KCTD8: variants seen among roughly 807,000 people sequenced by gnomAD.
The protein encoded by KCTD8 is BTB/POZ domain-containing protein KCTD8.
Under a neutral mutation model 31.5 loss-of-function variants are expected in KCTD8, and 27 were observed. The ratio of observed to expected loss-of-function variants is 0.86; its 90% CI spans 0.63 to 1.18. The LOEUF (loss-of-function observed/expected upper bound fraction) is 1.18, where lower values mean the gene tolerates loss of function less well. Ranked by LOEUF, KCTD8 falls within the 50% of genes most tolerant of loss-of-function variation. KCTD8 has a pLI of 0.00. For missense variants in KCTD8, 658 were observed against 647.7 expected, an observed-to-expected ratio of 1.02 and a Z score of -0.17; for synonymous variants, 290 against 280.0, an observed-to-expected ratio of 1.04 and a Z score of -0.36.
intron 1 of KCTD8, among the ~76,000 whole-genome samples, chr4:44,249,266 C>A (rs1715757298): frequency 1.3e-5 from 2 of 151,742 alleles, no homozygotes; most frequent in African/African-American, 4.8e-5. Flanking sequence ...GTTTTCCTGA[C>A]TTTCACATTT....
At position 44,377,286 on chromosome 4, in the gene KCTD8, CAT is replaced by C. The variant is rs1380507995; in HGVS notation, c.961+70275_961+70276del. On this transcript the variant is annotated intron_variant, in intron 1 of 1. Coordinates refer to ENST00000360029, the MANE Select transcript of KCTD8 (RefSeq NM_198353.3). Reference sequence around the variant, plus strand: ...CTTAAGGTGAGGGTTTTCCCTCACACATGTTTGGACACTGCAGCCTGCAAAAC... The same window carrying C: ...CTTAAGGTGAGGGTTTTCCCTCACACGTTTGGACACTGCAGCCTGCAAAAC... Among the ~76,000 whole-genome samples the C allele has an allele frequency of 8.5e-5, 13 of 152,266 alleles. No individual in the cohort carries two copies. In the South Asian group the frequency reaches 2.5e-3, roughly 29 times the overall value.
At chr4:44,289,537 T>TTGTCAAATGCCAGTGC (rs1173101483) in intron 1 of KCTD8, among the ~76,000 whole-genome samples, 2 of 151,920 alleles carry the variant, frequency 1.3e-5, no homozygotes, top group Non-Finnish European at 2.9e-5. Context: ...CTGTACAGGG[T>TTGTCAAATGCCAGTGC]TGTCAAATGC....
intron 1 of KCTD8, among the ~76,000 whole-genome samples, chr4:44,439,631 A>G (rs1323190337): frequency 2.6e-5 from 4 of 152,106 alleles, no homozygotes; most frequent in African/African-American, 9.7e-5. Flanking sequence ...ATGCCTTTTA[A>G]AAAATGAATC....
intron 1 of KCTD8, among the ~76,000 whole-genome samples, chr4:44,264,184 T>A (rs1716265137): frequency 2.0e-5 from 3 of 149,088 alleles, no homozygotes; most frequent in South Asian, 2.1e-4. Context: ...TAGTCCTAAA[T>A]AATAAAGAAG....
At chr4:44,434,034 C>G (rs1488846995) in intron 1 of KCTD8, among the ~76,000 whole-genome samples, 2 of 151,832 alleles carry the variant, frequency 1.3e-5, no homozygotes, top group Non-Finnish European at 2.9e-5. Flanking sequence ...CATCATATTT[C>G]CTTTGCCTAC....
At chr4:44,414,907 T>C (rs1721038525) in intron 1 of KCTD8, among the ~76,000 whole-genome samples, 1 of 152,042 alleles carries the variant, frequency 6.6e-6, no homozygotes, top group Admixed American at 6.6e-5. Context: ...GCCTTGGAAC[T>C]GGGTAACAGG....
In KCTD8 at chr4:44,447,856, T is replaced by C; in HGVS notation, c.668A>G (p.Asn223Ser). 1 of 1,579,332 alleles carries C rather than the reference T, an allele frequency of 6.3e-7. No individual in the cohort carries two copies. Among genetic ancestry groups the C allele is most frequent in the South Asian group, 1.1e-5 (1 of 87,486 alleles). ...ACGCCGGAATTTGGCGTCGGCCTGG[T>C]TGTCGCGCACGGTGGTGTAGGAGCC... Reference protein sequence around the residue: ...YRGSYTTVRDNQADAKFRRVA... With the variant: ...YRGSYTTVRDSQADAKFRRVA... The change falls in exon 1 of 2, where the codon AAC (asparagine) becomes AGC (serine). Residue 223 changes from asparagine (N) to serine (S), a missense_variant. By Grantham distance (46) the Asn-to-Ser change is conservative. Transcript: ENST00000360029.
At chr4:44,358,452 A>G (rs1404497716) in intron 1 of KCTD8, among the ~76,000 whole-genome samples, 1 of 152,012 alleles carries the variant, frequency 6.6e-6, no homozygotes, top group Non-Finnish European at 1.5e-5. Context: ...CTGGCTCTAG[A>G]TCTTGAGGAA....
chr4:44,228,047 C>A (rs1191502044), intron 1 of KCTD8, among the ~76,000 whole-genome samples: 5 of 152,126 alleles, frequency 3.3e-5, no homozygotes, highest in African/African-American at 1.2e-4. Flanking sequence ...ATTCAGACTC[C>A]TTACCATTGC....
intron 1 of KCTD8, among the ~76,000 whole-genome samples, chr4:44,357,876 CATAA>C (rs902347422): frequency 2.0e-5 from 3 of 151,406 alleles, no homozygotes; most frequent in African/African-American, 2.4e-5. Context: ...TCTCTCTAAA[CATAA>C]ATATTCTTTT....
chr4:44,326,360 A>G (rs966048976), intron 1 of KCTD8, among the ~76,000 whole-genome samples: 1 of 151,730 alleles, frequency 6.6e-6, no homozygotes, highest in Admixed American at 6.6e-5. Context: ...TTTACTTAAA[A>G]CTAGGATTCT....
At chr4:44,308,764 A>G (rs1028950511) in intron 1 of KCTD8, among the ~76,000 whole-genome samples, 2 of 152,122 alleles carry the variant, frequency 1.3e-5, no homozygotes, top group Non-Finnish European at 1.5e-5. Flanking sequence ...CTAATCAATA[A>G]CAAAAATTCA....
chr4:44,291,807 T>C (rs546323905), intron 1 of KCTD8, among the ~76,000 whole-genome samples: 55 of 151,770 alleles, frequency 3.6e-4, no homozygotes, highest in Middle Eastern at 3.4e-3. Context: ...CATTAAAAAA[T>C]GGGCAAAGAA....
At chr4:44,344,839 T>C (rs2109420629) in intron 1 of KCTD8, among the ~76,000 whole-genome samples, 1 of 152,334 alleles carries the variant, frequency 6.6e-6, no homozygotes, top group South Asian at 2.1e-4. Context: ...TGGGCCACCA[T>C]TTGAGAAACA....
intron 1 of KCTD8, among the ~76,000 whole-genome samples, chr4:44,427,403 A>C (rs1417132908): frequency 6.6e-6 from 1 of 151,488 alleles, no homozygotes. Flanking sequence ...AAAAAGAAAG[A>C]AAAAGTGTAA....
At chr4:44,380,822 G>T (rs1017698183) in intron 1 of KCTD8, among the ~76,000 whole-genome samples, 2 of 151,782 alleles carry the variant, frequency 1.3e-5, no homozygotes, top group Non-Finnish European at 2.9e-5. Flanking sequence ...AATTTGGGGG[G>T]TTTTCCTCTT....
rs564280458 is a variant in KCTD8 at position 44,342,591 on chromosome 4, A to C, written c.961+104972T>G. ...GCTTTAAAGTCTTCAGTTGCATTAGATACTAAGAAGAGAGATAACCTGTCT... is the reference window on the plus strand; with the variant it reads ...GCTTTAAAGTCTTCAGTTGCATTAGCTACTAAGAAGAGAGATAACCTGTCT... On this transcript the variant is annotated intron_variant, in intron 1 of 1. Transcript: ENST00000360029. 2.6e-5 allele frequency among the ~76,000 whole-genome samples: 4 copies of C among 152,292 alleles called. No individual in the cohort carries two copies. In the South Asian group the frequency reaches 8.3e-4, roughly 32 times the overall value.
At chr4:44,359,240 G>GC (rs1719435744) in intron 1 of KCTD8, among the ~76,000 whole-genome samples, 1 of 151,300 alleles carries the variant, frequency 6.6e-6, no homozygotes, top group Non-Finnish European at 1.5e-5. Flanking sequence ...CTTTGCCCAT[G>GC]CCTATGTCCT....
chr4:44,336,409 C>A (rs1176741970), intron 1 of KCTD8, among the ~76,000 whole-genome samples: 1 of 151,400 alleles, frequency 6.6e-6, no homozygotes, highest in African/African-American at 2.4e-5. Flanking sequence ...ATTAGAAAAT[C>A]AAGAATAAAT....
Sources: allele counts gnomAD v4.1 joint callset (sites outside exome capture counted in the v4.1 genomes callset), GRCh38; gene constraint gnomAD v4.1.1; transcripts MANE v1.5; gene names NCBI Gene and HGNC (gene_info 2026-07-23, HGNC 2026-07-21).